Variants in RAP1GAP2 observed in about 807,000 individuals in gnomAD.
RAP1GAP2 encodes the protein rap1 GTPase-activating protein 2.
In RAP1GAP2, 27 loss-of-function variants were observed where a neutral mutation model predicts 95.0. That is an observed-to-expected ratio of 0.28 (90% CI 0.21 to 0.39). The LOEUF (loss-of-function observed/expected upper bound fraction) is 0.39, where lower values mean the gene tolerates loss of function less well. RAP1GAP2 is among the 10% of genes least tolerant of loss of function. The pLI is 1.00. For missense variants in RAP1GAP2, 771 were observed against 970.0 expected (o/e 0.79, Z 2.72); for synonymous variants, 373 against 380.9 (o/e 0.98, Z 0.24).
At chr17:2,837,423 GC>G (rs1360399799) in intron 2 of RAP1GAP2, among the ~76,000 whole-genome samples, 1 of 151,942 alleles carries the variant, frequency 6.6e-6, no homozygotes, top group Non-Finnish European at 1.5e-5. Flanking sequence ...GGTACTGTCA[GC>G]TAGAGGAAGG....
Position 2,870,525 on chromosome 17 carries a change from T to G in RAP1GAP2, c.81-34759T>G, listed in dbSNP as rs897313787. Among the ~76,000 whole-genome samples, 1 of 152,212 alleles carries G rather than the reference T, an allele frequency of 6.6e-6. No homozygotes were observed. The highest frequency in any genetic ancestry group is 1.5e-5 in the Non-Finnish European group (1 of 68,044). On this transcript the variant is annotated intron_variant, in intron 2 of 24. Transcript: ENST00000254695. The surrounding 1 kb of genome is among the most constrained non-coding windows in gnomAD (Gnocchi z 4.4). The stretch of plus-strand genomic sequence containing the variant: ...CACAAGGATTAAAATAAAAATCACC[T>G]TCAGTCCCACAAGGGAGACTGTAGA...
At chr17:2,922,339 T>A (rs764052037) in intron 3 of RAP1GAP2, among the ~76,000 whole-genome samples, 3 of 152,196 alleles carry the variant, frequency 2.0e-5, no homozygotes, top group Non-Finnish European at 2.9e-5. Flanking sequence ...TCCATCACCT[T>A]GGGAGGGACA....
chr17:2,806,890 G>T (rs1390827649), intron 2 of RAP1GAP2, among the ~76,000 whole-genome samples: 1 of 151,790 alleles, frequency 6.6e-6, no homozygotes, highest in Admixed American at 6.6e-5. Flanking sequence ...TGCCATGTTG[G>T]CCAGGCTGGT....
chr17:2,844,207 A>G (rs1400542725), intron 2 of RAP1GAP2, among the ~76,000 whole-genome samples: 1 of 151,902 alleles, frequency 6.6e-6, no homozygotes, highest in African/African-American at 2.4e-5. Context: ...TTTTTAGTAG[A>G]GATGGTGTTT....
chr17:2,881,231 A>T (rs1408413067), intron 2 of RAP1GAP2, among the ~76,000 whole-genome samples: 1 of 151,692 alleles, frequency 6.6e-6, no homozygotes, highest in East Asian at 1.9e-4. Context: ...ACTGCACTCC[A>T]GCCTGGGGGA....
chr17:3,021,330 C>G (rs755592256), intron 19 of RAP1GAP2, among the ~76,000 whole-genome samples: 1 of 152,056 alleles, frequency 6.6e-6, no homozygotes, highest in Admixed American at 6.6e-5. Flanking sequence ...CCTGCCCTCC[C>G]CCGCCCCTTC....
At chr17:2,784,132 C>T (rs1395461470) in intron 1 of RAP1GAP2, among the ~76,000 whole-genome samples, 1 of 152,046 alleles carries the variant, frequency 6.6e-6, no homozygotes, top group East Asian at 1.9e-4. Context: ...GCCACCACGC[C>T]AGGCTAATTT....
intron 3 of RAP1GAP2, among the ~76,000 whole-genome samples, chr17:2,927,347 G>A (rs541005599): frequency 1.2e-3 from 178 of 151,890 alleles, no homozygotes; most frequent in African/African-American, 3.2e-3. Context: ...TAGAGACGGG[G>A]TTTCACCGTG....
At chr17:2,799,370 CTG>C (rs774562275) in intron 1 of RAP1GAP2, among the ~76,000 whole-genome samples, 17 of 152,194 alleles carry the variant, frequency 1.1e-4, no homozygotes, top group Non-Finnish European at 2.2e-4. Context: ...GCTGTTGTAA[CTG>C]AGATCAGAAG....
At chr17:2,787,500 C>T (rs2068814592) in intron 1 of RAP1GAP2, among the ~76,000 whole-genome samples, 1 of 152,142 alleles carries the variant, frequency 6.6e-6, no homozygotes, top group Admixed American at 6.6e-5. Flanking sequence ...AAGCAATCCC[C>T]CTGCCTTGGC....
At chr17:2,999,955 C>A (rs998954565) in intron 14 of RAP1GAP2, among the ~76,000 whole-genome samples, 2 of 152,104 alleles carry the variant, frequency 1.3e-5, no homozygotes, top group African/African-American at 4.8e-5. Context: ...ATTTTCTTTT[C>A]TTTTCTTTTT....
intron 13 of RAP1GAP2, 46 bp downstream of exon 13, chr17:2,995,512 G>C: frequency 6.2e-7 from 1 of 1,609,742 alleles, no homozygotes; most frequent in Non-Finnish European, 8.5e-7. Flanking sequence ...CGGGCGAGGT[G>C]AGGGCCTGCC....
At chr17:2,810,522 C>CTTT (rs1169922962) in intron 2 of RAP1GAP2, among the ~76,000 whole-genome samples, 1,063 of 69,362 alleles carry the variant, frequency 0.015, 266 homozygotes, top group African/African-American at 0.05. Flanking sequence ...TCCCCCCACC[C>CTTT]TTTTTTTTTT....
At chr17:2,786,991 C>T (rs1399142513) in intron 1 of RAP1GAP2, among the ~76,000 whole-genome samples, 1 of 147,650 alleles carries the variant, frequency 6.8e-6, no homozygotes. Context: ...TCGCTCTGTC[C>T]CCAGGCTGGT....
intron 3 of RAP1GAP2, among the ~76,000 whole-genome samples, chr17:2,933,343 C>T (rs907481860): frequency 1.3e-5 from 2 of 151,100 alleles, no homozygotes; most frequent in Admixed American, 6.6e-5. Context: ...CAGAGACCAC[C>T]GTGGAGTGAG....
chr17:3,033,555 C>T lies in RAP1GAP2; in HGVS notation c.*194C>T, dbSNP rs1297789953. On this transcript the variant is annotated 3_prime_UTR_variant, in exon 25 of 25. Coordinates refer to ENST00000254695, the MANE Select transcript of RAP1GAP2 (RefSeq NM_015085.5). This position sits in a 1 kb window ranked among gnomAD's most constrained non-coding sequence, Gnocchi z 4.9. Reference sequence around the variant, plus strand: ...GCCACAGCCCTGCCTCCGCCCTCACCTACATGCCCTCCCAGCCCCTCCCAT... The same window carrying T: ...GCCACAGCCCTGCCTCCGCCCTCACTTACATGCCCTCCCAGCCCCTCCCAT... The T allele has an allele frequency of 1.3e-5, 2 of 153,406 alleles. No individual in the cohort carries two copies. Among genetic ancestry groups the T allele is most frequent in the East Asian group, 3.8e-4 (2 of 5,196 alleles). 9.5% of individuals were successfully genotyped at this position (153,406 alleles called of 1,614,324 possible).
chr17:3,006,886 A>T (rs2046359623), intron 16 of RAP1GAP2, among the ~76,000 whole-genome samples: 1 of 152,120 alleles, frequency 6.6e-6, no homozygotes, highest in African/African-American at 2.4e-5. Context: ...GTTATAGTAC[A>T]GTGTGCCAGC....
intron 3 of RAP1GAP2, among the ~76,000 whole-genome samples, chr17:2,937,206 C>CCGAG (rs1260497086): frequency 1.3e-5 from 2 of 152,032 alleles, no homozygotes; most frequent in Non-Finnish European, 2.9e-5. Flanking sequence ...AGGAGAGGGA[C>CCGAG]CGAGGGTGAT....
intron 2 of RAP1GAP2, among the ~76,000 whole-genome samples, chr17:2,892,748 A>G (rs1451032700): frequency 6.6e-6 from 1 of 152,042 alleles, no homozygotes; most frequent in Non-Finnish European, 1.5e-5. Context: ...CCTGAAAGTG[A>G]GGTAATGTTA....
Sources: gnomAD v4.1 joint callset for allele counts (sites outside exome capture counted in the v4.1 genomes callset) on GRCh38, gnomAD v4.1.1 for gene constraint, Gnocchi (gnomAD v3.1) non-coding constraint, MANE v1.5 for transcripts, NCBI Gene and HGNC (gene_info 2026-07-23, HGNC 2026-07-21) for gene names.